COL6A3: variants seen among roughly 807,000 people sequenced by gnomAD.
COL6A3 encodes the protein collagen type VI alpha 3 chain.
Under a neutral mutation model 274.1 loss-of-function variants are expected in COL6A3, and 137 were observed. The observed-to-expected ratio is 0.50, with a 90% confidence interval of 0.44 to 0.58. The LOEUF is 0.58. Ranked by LOEUF, COL6A3 falls within the 20% of genes least tolerant of loss-of-function variation. The pLI is 0.00. For missense variants in COL6A3, 3,950 were observed against 4,124.9 expected, an observed-to-expected ratio of 0.96 and a Z score of 1.16; for synonymous variants, 1,650 against 1,650.6, an observed-to-expected ratio of 1.00 and a Z score of 0.01.
chr2:237,345,568 G>A (rs1202215423), intron 32 of COL6A3, among the ~76,000 whole-genome samples: 2 of 152,176 alleles, frequency 1.3e-5, no homozygotes. Flanking sequence ...CCCTGCCGAA[G>A]GGGCAGTGAG....
intron 2 of COL6A3, 27 bp downstream of exon 2, chr2:237,396,700 A>T (rs370517886): frequency 1.9e-6 from 3 of 1,608,128 alleles, no homozygotes; most frequent in Non-Finnish European, 2.6e-6. Context: ...TCCTTTTTAC[A>T]AAATCAAGGA....
intron 3 of COL6A3, among the ~76,000 whole-genome samples, chr2:237,391,697 G>A (rs766542407): frequency 3.3e-5 from 5 of 152,058 alleles, no homozygotes; most frequent in Non-Finnish European, 5.9e-5. Context: ...GCTAATTTTT[G>A]TATTTTTGGT....
chr2:237,333,465 C>A lies in COL6A3; in HGVS notation c.9313G>T (p.Ala3105Ser). The change falls in exon 42 of 44, where the codon GCT (alanine) becomes TCT (serine). Residue 3105 changes from alanine to serine, a missense_variant. By Grantham distance (99) the Ala-to-Ser change is moderately conservative. This residue lies in a region of COL6A3 where 1,284 missense variants were observed against 1,349.7 expected (regional missense o/e 0.95). Transcript: ENST00000295550. ...CACAACTCACCTGTTTCAGTGAGAGCCAATGGTTCTGTGCTCACCATTAGA... is the reference window on the plus strand; with the variant it reads ...CACAACTCACCTGTTTCAGTGAGAGACAATGGTTCTGTGCTCACCATTAGA... ...INLMVSTEPL[A>S]LTETDICKLP... The A allele has an allele frequency of 6.2e-7, 1 of 1,614,132 alleles. No individual in the cohort carries two copies. Among genetic ancestry groups the A allele is most frequent in the Non-Finnish European group, 8.5e-7 (1 of 1,179,984 alleles).
Position 237,379,157 on chromosome 2 carries a change from C to T in COL6A3, c.1976G>A (p.Arg659His), listed in dbSNP as rs36092870. 7,287 of 1,614,136 alleles carry T rather than the reference C, an allele frequency of 4.5e-3. 291 individuals are homozygous for T. In the African/African-American group the frequency reaches 0.086, roughly 19 times the overall value. ...NVGKTNFPYV[R>H]DFVMNLVNSL... Reference sequence around the variant, plus strand: ...GTTAACTAGGTTCATTACAAAGTCGCGCACATAAGGGAAATTGGTTTTTCC... The same window carrying T: ...GTTAACTAGGTTCATTACAAAGTCGTGCACATAAGGGAAATTGGTTTTTCC... The change falls in exon 6 of 44, where the codon CGC (arginine) becomes CAC (histidine). Residue 659 changes from arginine (R) to histidine (H), a missense_variant. Arg to His is a conservative substitution (Grantham distance 29). Transcript: ENST00000295550.
At chr2:237,357,994 G>A (rs2077355031) in intron 21 of COL6A3, 112 bp from the exon 22 acceptor site, 3 of 992,830 alleles carry the variant, frequency 3.0e-6, no homozygotes, top group Non-Finnish European at 4.9e-6. Context: ...GGCTTCGAGG[G>A]ACAAGCCCTT....
In COL6A3 at chr2:237,374,903, T is replaced by C. The variant is rs1238550268; in HGVS notation, c.3188A>G (p.Asp1063Gly). Residue 1063 changes from aspartate (D) to glycine (G), a missense_variant, in exon 8 of 44, where the codon GAC (aspartate) becomes GGC (glycine). Coordinates refer to ENST00000295550, the MANE Select transcript of COL6A3 (RefSeq NM_004369.4). This position sits in a 1 kb window ranked among gnomAD's most constrained non-coding sequence, Gnocchi z 4.8. ...CTGCACCACGGCCACGCGGACCCGG[T>C]CCTGGCCCACATCCAGGCTTTCCAC... is the stretch of plus-strand genomic sequence containing the variant. ...RVVESLDVGQ[D>G]RVRVAVVQYS... 1 of 1,613,776 alleles carries C rather than the reference T, an allele frequency of 6.2e-7. No homozygotes were observed. The highest frequency in any genetic ancestry group is 2.2e-5 in the East Asian group (1 of 44,842).
chr2:237,337,139 C>T (rs1179225120), intron 39 of COL6A3, among the ~76,000 whole-genome samples: 2 of 152,138 alleles, frequency 1.3e-5, no homozygotes, highest in African/African-American at 2.4e-5. Context: ...CAAGGACCCA[C>T]ACTTCATAGC....
At chr2:237,362,071 C>A (rs1054118420) in intron 14 of COL6A3, among the ~76,000 whole-genome samples, 1 of 152,142 alleles carries the variant, frequency 6.6e-6, no homozygotes, top group African/African-American at 2.4e-5. Context: ...AAGTAAAGAA[C>A]AACCAAAGTA....
At chr2:237,399,544 G>A (rs2078537437) in intron 1 of COL6A3, among the ~76,000 whole-genome samples, 1 of 152,210 alleles carries the variant, frequency 6.6e-6, no homozygotes, top group Non-Finnish European at 1.5e-5. Context: ...GGGAAAAACA[G>A]GCATTCCATG....
In COL6A3 at chr2:237,378,729, A is replaced by T; in HGVS notation, c.2404T>A (p.Phe802Ile). The T allele has an allele frequency of 1.4e-5, 23 of 1,614,108 alleles. No homozygotes were observed. The highest frequency in any genetic ancestry group is 1.9e-5 in the Non-Finnish European group (23 of 1,180,048). The part of the protein sequence containing the change: ...NPSLVYLMDD[F>I]SSLPALPQQL... ...TGAGGCAAAGCTGGCAGGGAGCTGA[A>T]ATCATCCATGAGATACACCAGGCTT... is the stretch of plus-strand genomic sequence containing the variant. The change falls in exon 6 of 44, where the codon TTC becomes ATC. Residue 802 changes from phenylalanine to isoleucine, a missense_variant. This residue lies in a region of COL6A3 where 1,934 missense variants were observed against 1,984.3 expected (regional missense o/e 0.97). Transcript: ENST00000295550.
At position 237,413,689 on chromosome 2, in the gene COL6A3, C is replaced by T. The variant is rs931843741; in HGVS notation, c.-31+264G>A. 2.6e-5 allele frequency among the ~76,000 whole-genome samples: 4 copies of T among 152,144 alleles called. No homozygotes were observed. The highest frequency in any genetic ancestry group is 2.1e-4 in the South Asian group (1 of 4,822). On this transcript the variant is annotated intron_variant, in intron 1 of 43. Coordinates refer to ENST00000295550, the MANE Select transcript of COL6A3 (RefSeq NM_004369.4). The surrounding 1 kb of genome is among the most constrained non-coding windows in gnomAD (Gnocchi z 4.0). ...ACACTGCCGCCCGGAATGCACAGGG[C>T]GCGTGTAGCAGCCACAGACACGCGG...
rs1298304147 is a variant in COL6A3, at chr2:237,367,262, A to T, written c.4925T>A (p.Phe1642Tyr). ...RPEKKKADIV[F>Y]LLDGSINFRR... ...GAAGTTGATGGAACCATCCAACAGG[A>T]ACACAATGTCTGCTTTCTTCTTCTC... Residue 1642 changes from phenylalanine to tyrosine, a missense_variant, in exon 11 of 44, where the codon TTC becomes TAC. Phe to Tyr is a conservative substitution (Grantham distance 22). Coordinates refer to ENST00000295550, the MANE Select transcript of COL6A3 (RefSeq NM_004369.4). 4.3e-6 allele frequency: 7 copies of T among 1,613,726 alleles called. No individual in the cohort carries two copies. Among genetic ancestry groups the T allele is most frequent in the Non-Finnish European group, 5.9e-6 (7 of 1,179,772 alleles).
chr2:237,339,043 T>C lies in COL6A3; in HGVS notation c.8539A>G (p.Asn2847Asp). ...DWFQGDQPTK[N>D]LVKFGHKQVN... is the part of the protein sequence containing the mutation. ...TGTTTGTGACCAAACTTCACAAGGT[T>C]CTTTGTGGGTTGGTCCCCTTGGAAC... Residue 2847 changes from asparagine (N) to aspartate (D), a missense_variant, in exon 39 of 44, where the codon AAC becomes GAC. Asn to Asp is a conservative substitution (Grantham distance 23). Transcript: ENST00000295550. 6.2e-7 allele frequency: 1 copy of C among 1,614,128 alleles called. No individual in the cohort carries two copies. The highest frequency in any genetic ancestry group is 8.5e-7 in the Non-Finnish European group (1 of 1,179,978).
rs750723659 is a variant in COL6A3, at chr2:237,340,593, C to A, written c.8323G>T (p.Gly2775Cys). ...ACCTCCTTGATGTTCACCTTCCTGC[C>A]AATGCCCAGGACCACGAAGAAGTAG... ...KGYFFVVLGI[G>C]RKVNIKEVYT... The change falls in exon 38 of 44, where the codon GGC (glycine) becomes TGC (cysteine). Residue 2775 changes from glycine to cysteine, a missense_variant. Gly to Cys is a radical substitution (Grantham distance 159, BLOSUM62 -3). Transcript: ENST00000295550. 1 of 1,614,214 alleles carries A rather than the reference C, an allele frequency of 6.2e-7. No individual in the cohort carries two copies. The highest frequency in any genetic ancestry group is 8.5e-7 in the Non-Finnish European group (1 of 1,180,038).
chr2:237,359,156 T>C (rs757924146), intron 19 of COL6A3, 50 bp downstream of exon 19: 16 of 1,613,940 alleles, frequency 9.9e-6, no homozygotes, highest in Non-Finnish European at 1.4e-5. Flanking sequence ...TGTTAGTTTC[T>C]GGAATCTTCA....
chr2:237,332,485 T>C (rs1450009812), intron 42 of COL6A3, among the ~76,000 whole-genome samples: 1 of 152,138 alleles, frequency 6.6e-6, no homozygotes, highest in Non-Finnish European at 1.5e-5. Context: ...TGGCTTCTCT[T>C]TGAGCTCAAG....
In COL6A3 at chr2:237,395,026, C is replaced by T. The variant is rs2078397200; in HGVS notation, c.270G>A (p.Glu90=). The part of the protein sequence containing the change: ...LVQFNGNPHT[E]FLLNTYRTKQ... ...TAGTACGATACGTATTTAACAGGAACTCGGTATGTGGGTTTCCGTTGAACT... is the reference window on the plus strand; with the variant it reads ...TAGTACGATACGTATTTAACAGGAATTCGGTATGTGGGTTTCCGTTGAACT... Residue 90 remains glutamate (E), a synonymous_variant, in exon 3 of 44, where the codon GAG becomes GAA. Coordinates refer to ENST00000295550, the MANE Select transcript of COL6A3 (RefSeq NM_004369.4). The T allele has an allele frequency of 1.2e-6, 2 of 1,614,122 alleles. No individual in the cohort carries two copies. The highest frequency in any genetic ancestry group is 8.5e-7 in the Non-Finnish European group (1 of 1,180,022).
chr2:237,359,322 G>A lies in COL6A3; in HGVS notation c.6309+40C>T, dbSNP rs112754810. 100 of 1,614,038 alleles carry A rather than the reference G, an allele frequency of 6.2e-5. 1 individual carries two copies. The African/African-American group carries it at 1.2e-3, about 19-fold the overall frequency. On this transcript the variant is annotated intron_variant, in intron 18 of 43. Coordinates refer to ENST00000295550, the MANE Select transcript of COL6A3 (RefSeq NM_004369.4). The stretch of plus-strand genomic sequence containing the variant: ...CAAAGGAAGAAATGAGAAATACTGG[G>A]AGAGTTTTCCATTTGTAAAACAAAA...
intron 1 of COL6A3, among the ~76,000 whole-genome samples, chr2:237,411,908 C>T (rs1316305848): frequency 6.6e-6 from 1 of 152,108 alleles, no homozygotes; most frequent in Non-Finnish European, 1.5e-5. Context: ...TAGAGGCTTC[C>T]CCAGCCACCT....
Sources: gnomAD v4.1 joint callset for allele counts (sites outside exome capture counted in the v4.1 genomes callset) on GRCh38, gnomAD v4.1.1 for gene constraint, gnomAD v4.1.1 regional missense constraint, Gnocchi (gnomAD v3.1) non-coding constraint, MANE v1.5 for transcripts, NCBI Gene and HGNC (gene_info 2026-07-23, HGNC 2026-07-21) for gene names.